USP9X: variants seen among roughly 807,000 people sequenced by gnomAD.
USP9X encodes ubiquitin carboxyl-terminal hydrolase 9X.
In USP9X, 7 loss-of-function variants were observed where a neutral mutation model predicts 190.3. That is an observed-to-expected ratio of 0.04 (90% CI 0.02 to 0.07). The LOEUF (loss-of-function observed/expected upper bound fraction) is 0.07, where lower values mean the gene tolerates loss of function less well. Among genes scored for constraint, USP9X ranks in the 10% least tolerant of loss-of-function variants. The pLI, the probability that USP9X is intolerant of heterozygous loss-of-function variation, is 1.00. For synonymous variants in USP9X, 645 were observed against 659.5 expected (o/e 0.98, Z 0.34); for missense variants, 1,010 against 1,916.9 (o/e 0.53, Z 8.83).
chrX:41,150,067 C>T (rs1427081707), intron 12 of USP9X, among the ~76,000 whole-genome samples: 1 of 109,690 alleles, frequency 9.1e-6, no homozygotes, highest in Non-Finnish European at 1.9e-5. Context: ...GGATTAATAT[C>T]ACTTAAGAGT....
In USP9X at chrX:41,205,448, C is replaced by G; in HGVS notation, c.4970C>G (p.Ser1657Cys). 1 of 1,210,919 alleles carries G rather than the reference C, an allele frequency of 8.3e-7. No homozygotes were observed. The highest frequency in any genetic ancestry group is 1.1e-6 in the Non-Finnish European group (1 of 895,191). Residue 1657 changes from serine (S) to cysteine (C), a missense_variant, in exon 32 of 45, where the codon TCT becomes TGT. Ser to Cys is a moderately radical substitution (Grantham distance 112). This residue lies in a region of USP9X where 120 missense variants were observed against 342.7 expected (regional missense o/e 0.35). Coordinates refer to ENST00000378308, the MANE Select transcript of USP9X (RefSeq NM_001039591.3). Reference sequence around the variant, plus strand: ...GTCATCTTTGGTCATTTAGCTGCTTCTCGACTGCAATACTATGTGCCCAGA... The same window carrying G: ...GTCATCTTTGGTCATTTAGCTGCTTGTCGACTGCAATACTATGTGCCCAGA... Reference protein sequence around the residue: ...LQVIFGHLAASRLQYYVPRGF... With the variant: ...LQVIFGHLAACRLQYYVPRGF...
chrX:41,212,532 T>C (rs907158909), intron 33 of USP9X, among the ~76,000 whole-genome samples: 64 of 108,525 alleles, frequency 5.9e-4, no homozygotes, highest in African/African-American at 1.9e-3. Flanking sequence ...ACAAAACAAA[T>C]TGTTTGACTT....
intron 3 of USP9X, among the ~76,000 whole-genome samples, chrX:41,130,479 TTTTTTG>T (rs1294725180): frequency 5.5e-4 from 53 of 96,218 alleles, no homozygotes; most frequent in African/African-American, 1.7e-3. Flanking sequence ...TTTTCTTTTT[TTTTTTG>T]TTTTTTGTTT....
chrX:41,229,129 T>C (rs1370111276), intron 41 of USP9X, 124 bp from the exon 42 acceptor site: 2 of 467,583 alleles, frequency 4.3e-6, no homozygotes, highest in African/African-American at 5.0e-5. Flanking sequence ...TTAATAATAG[T>C]ACCTATTGTC....
At chrX:41,157,568 A>G (rs1364875091) in intron 14 of USP9X, among the ~76,000 whole-genome samples, 1 of 111,240 alleles carries the variant, frequency 9.0e-6, no homozygotes, top group Non-Finnish European at 1.9e-5. Flanking sequence ...CCCAGTCACT[A>G]TATCCCATAG....
chrX:41,188,416 C>T (rs191086740), intron 25 of USP9X, among the ~76,000 whole-genome samples: 90 of 111,918 alleles, frequency 8.0e-4, no homozygotes, highest in Admixed American at 6.8e-3. Flanking sequence ...TTTCTTTTAT[C>T]ATCTTTCTGT....
rs2063385706 is a variant in USP9X at position 41,234,314 on chromosome X, T to C, written c.*1790T>C. On this transcript the variant is annotated 3_prime_UTR_variant, in exon 45 of 45. Transcript: ENST00000378308. ...GTTGTATTTTTTACAATTCAGTTAATAGGGAAATGTTTTGTCAAAAGGCTA... is the reference window on the plus strand; with the variant it reads ...GTTGTATTTTTTACAATTCAGTTAACAGGGAAATGTTTTGTCAAAAGGCTA... The C allele has an allele frequency of 8.9e-6, 1 of 112,109 alleles. No homozygotes were observed. The highest frequency in any genetic ancestry group is 3.2e-5 in the African/African-American group (1 of 30,788). 9.2% of individuals were successfully genotyped at this position (112,109 alleles called of 1,213,427 possible). A position where few individuals can be genotyped will look rare whatever the true frequency, so the allele number is the denominator to read the frequency against.
chrX:41,139,001 A>G (rs2062399241), intron 6 of USP9X, among the ~76,000 whole-genome samples: 1 of 112,665 alleles, frequency 8.9e-6, no homozygotes, highest in African/African-American at 3.2e-5. Flanking sequence ...AAGCACTCTT[A>G]TCTGAATATT....
chrX:41,113,430 G>A (rs758812189), intron 1 of USP9X, among the ~76,000 whole-genome samples: 14 of 111,029 alleles, frequency 1.3e-4, no homozygotes, highest in Non-Finnish European at 2.5e-4. Context: ...TCCAACTCCC[G>A]ATTTGTGATC....
At chrX:41,134,338 CAA>C (rs1234729720) in intron 4 of USP9X, among the ~76,000 whole-genome samples, 1 of 111,990 alleles carries the variant, frequency 8.9e-6, no homozygotes, top group Non-Finnish European at 1.9e-5. Flanking sequence ...ATAAGGAAGA[CAA>C]GACATAATTC....
intron 32 of USP9X, among the ~76,000 whole-genome samples, chrX:41,206,765 T>C (rs2063100909): frequency 9.1e-6 from 1 of 109,705 alleles, no homozygotes; most frequent in African/African-American, 3.3e-5. Context: ...ATTATTATTA[T>C]TATATATATA....
At chrX:41,103,960 C>G (rs1018375296) in intron 1 of USP9X, among the ~76,000 whole-genome samples, 3 of 111,903 alleles carry the variant, frequency 2.7e-5, no homozygotes, top group African/African-American at 9.7e-5. Context: ...ATAATTTTAT[C>G]TCATTACTAG....
chrX:41,225,632 C>T (rs2063305879), intron 41 of USP9X, among the ~76,000 whole-genome samples: 1 of 112,236 alleles, frequency 8.9e-6, no homozygotes, highest in African/African-American at 3.2e-5. Flanking sequence ...ACCATTACTC[C>T]TAGGAGGAAA....
intron 2 of USP9X, 73 bp from the exon 3 acceptor site, chrX:41,128,927 A>G (rs757442578): frequency 2.6e-4 from 284 of 1,083,320 alleles, no homozygotes; most frequent in Admixed American, 3.6e-4. Flanking sequence ...ATGCTTGTCT[A>G]TGTTGGTGTT....
rs746896755 is a variant in USP9X at position 41,117,950 on chromosome X, C to T, written c.-158-5521C>T. 6.3e-5 allele frequency among the ~76,000 whole-genome samples: 7 copies of T among 110,354 alleles called. No homozygotes were observed. In the East Asian group the frequency reaches 8.5e-4, roughly 13 times the overall value. On this transcript the variant is annotated intron_variant, in intron 1 of 44. Transcript: ENST00000378308. ...TCGGCTCACTGCAACCTCTGCCTTC[C>T]GGATTCAAGCGATTCTCCTGCCACA...
intron 31 of USP9X, among the ~76,000 whole-genome samples, chrX:41,202,724 GA>G (rs1223096762): frequency 9.0e-6 from 1 of 111,478 alleles, no homozygotes; most frequent in Non-Finnish European, 1.9e-5. Flanking sequence ...ACTGCTCTGG[GA>G]AAAAAATGTA....
chrX:41,129,171 A>G, intron 3 of USP9X, 26 bp downstream of exon 3: 1 of 1,194,475 alleles, frequency 8.4e-7, no homozygotes, highest in Middle Eastern at 2.3e-4. Context: ...ACACCCAAGA[A>G]AGAGAGCAGA....
In USP9X at chrX:41,233,051, A is replaced by G. The variant is rs1017020205; in HGVS notation, c.*527A>G. 1 of 112,633 alleles carries G rather than the reference A, an allele frequency of 8.9e-6. No individual in the cohort carries two copies. The highest frequency in any genetic ancestry group is 3.2e-5 in the African/African-American group (1 of 31,001). 9.3% of individuals were successfully genotyped at this position (112,633 alleles called of 1,213,427 possible). ...TGCTATGAGCAATGTAAGGCTGGTA[A>G]CCTTTAAATTATTTGGTTGATGTGG... is the stretch of plus-strand genomic sequence containing the variant. On this transcript the variant is annotated 3_prime_UTR_variant, in exon 45 of 45. Coordinates refer to ENST00000378308, the MANE Select transcript of USP9X (RefSeq NM_001039591.3).
rs878993594 is a variant in USP9X, at chrX:41,197,433, A to G, written c.4303A>G (p.Lys1435Glu). ...CTTAGAGGGCCACCTTGGAGTGACAAAGGAGTTACTGGCCTTTCAAACTTC... is the reference window on the plus strand; with the variant it reads ...CTTAGAGGGCCACCTTGGAGTGACAGAGGAGTTACTGGCCTTTCAAACTTC... ...TILEGHLGVT[K>E]ELLAFQTSEK... Residue 1435 changes from lysine (K) to glutamate (E), a missense_variant, in exon 29 of 45, where the codon AAG becomes GAG. By Grantham distance (56) the Lys-to-Glu change is moderately conservative. This residue lies in a region of USP9X where 351 missense variants were observed against 480.8 expected (regional missense o/e 0.73). Transcript: ENST00000378308. 9.1e-6 allele frequency: 11 copies of G among 1,205,362 alleles called. No homozygotes were observed. The highest frequency in any genetic ancestry group is 3.0e-5 in the East Asian group (1 of 33,519).
Sources: allele counts gnomAD v4.1 joint callset (sites outside exome capture counted in the v4.1 genomes callset), GRCh38; gene constraint gnomAD v4.1.1; regional missense constraint gnomAD v4.1.1; transcripts MANE v1.5; gene names NCBI Gene and HGNC (gene_info 2026-07-23, HGNC 2026-07-21).